The following SLC25A17 variants were observed in gnomAD, a reference collection of about 807,000 sequenced individuals.
The protein encoded by SLC25A17 is peroxisomal membrane protein PMP34.
Under a neutral mutation model 38.5 loss-of-function variants are expected in SLC25A17, and 26 were observed. The ratio of observed to expected loss-of-function variants is 0.68; its 90% CI spans 0.50 to 0.94. The LOEUF is 0.94. Among genes scored for constraint, SLC25A17 ranks in the 40% least tolerant of loss-of-function variants. SLC25A17 has a pLI of 0.00. For missense variants in SLC25A17, 333 were observed against 372.7 expected, an observed-to-expected ratio of 0.89 and a Z score of 0.88; for synonymous variants, 139 against 136.2, an observed-to-expected ratio of 1.02 and a Z score of -0.14.
chr22:40,784,784 C>CAA (rs71200616), intron 4 of SLC25A17, among the ~76,000 whole-genome samples: 1,929 of 95,214 alleles, frequency 0.02, no homozygotes, highest in African/African-American at 0.027. Flanking sequence ...TCAACAACAA[C>CAA]AAAAAAAAAA....
chr22:40,798,493 G>GGGGTGA (rs1360698201), intron 2 of SLC25A17, among the ~76,000 whole-genome samples: 1 of 151,898 alleles, frequency 6.6e-6, no homozygotes. Flanking sequence ...AGTGGGAAAG[G>GGGGTGA]GGGTGAGCAA....
rs1390797961 is a variant in SLC25A17, at chr22:40,777,324, A to C, written c.501T>G (p.Asn167Lys). 9 of 1,614,198 alleles carry C rather than the reference A, an allele frequency of 5.6e-6. No individual in the cohort carries two copies. Among genetic ancestry groups the C allele is most frequent in the Non-Finnish European group, 7.6e-6 (9 of 1,180,022 alleles). The change falls in exon 6 of 9, where the codon AAT becomes AAG. Residue 167 changes from asparagine (N) to lysine (K), a missense_variant. Coordinates refer to ENST00000435456, the MANE Select transcript of SLC25A17 (RefSeq NM_006358.4). The stretch of plus-strand genomic sequence containing the variant: ...CCAACAGCAATGAGGGAAATGTGCC[A>C]TTCCATAAAGCCGAGATTCCTTCAT... Reference protein sequence around the residue: ...IRDEGISALWNGTFPSLLLVF... With the variant: ...IRDEGISALWKGTFPSLLLVF...
intron 1 of SLC25A17, among the ~76,000 whole-genome samples, chr22:40,813,638 G>A (rs1031425171): frequency 1.5e-4 from 22 of 151,664 alleles, no homozygotes; most frequent in Non-Finnish European, 3.1e-4. Context: ...GCAGGAGAAT[G>A]GCGTGAACCC....
chr22:40,806,138 T>C (rs575854550), intron 1 of SLC25A17, among the ~76,000 whole-genome samples: 54 of 152,258 alleles, frequency 3.5e-4, no homozygotes, highest in African/African-American at 1.3e-3. Flanking sequence ...ATTCCACTTT[T>C]TTGCTACAAT....
At chr22:40,780,915 A>C (rs916036574) in intron 4 of SLC25A17, among the ~76,000 whole-genome samples, 1 of 152,164 alleles carries the variant, frequency 6.6e-6, no homozygotes. Flanking sequence ...CATGCCTGTA[A>C]TCTTAGCACT....
At chr22:40,784,506 C>G (rs1226433910) in intron 4 of SLC25A17, 1 of 193,364 alleles carries the variant, frequency 5.2e-6, no homozygotes, top group South Asian at 7.6e-5. Context: ...GGAGCAGTGG[C>G]TAATACCTGT....
At chr22:40,773,828 G>A in intron 8 of SLC25A17, 109 bp downstream of exon 8, 1 of 786,242 alleles carries the variant, frequency 1.3e-6, no homozygotes, top group East Asian at 2.5e-5. Flanking sequence ...AAAGGTTTTG[G>A]AGGTTGCCAC....
intron 1 of SLC25A17, among the ~76,000 whole-genome samples, chr22:40,814,762 T>C (rs1317323444): frequency 1.2e-4 from 2 of 16,140 alleles, no homozygotes; most frequent in African/African-American, 8.0e-4. Flanking sequence ...AGAATATATA[T>C]ATATATATAT....
At chr22:40,805,724 A>G (rs901183997) in intron 1 of SLC25A17, among the ~76,000 whole-genome samples, 1 of 152,198 alleles carries the variant, frequency 6.6e-6, no homozygotes, top group Non-Finnish European at 1.5e-5. Context: ...CTGCAGGCCT[A>G]GAGTCTCCAA....
intron 1 of SLC25A17, among the ~76,000 whole-genome samples, chr22:40,814,859 G>A (rs541923056): frequency 1.3e-5 from 2 of 150,346 alleles, no homozygotes; most frequent in Admixed American, 6.6e-5. Context: ...TTGCTCTGTC[G>A]TCCAGGCTGG....
At chr22:40,774,591 T>C (rs1041716883) in intron 7 of SLC25A17, among the ~76,000 whole-genome samples, 8 of 152,188 alleles carry the variant, frequency 5.3e-5, no homozygotes, top group African/African-American at 1.9e-4. Context: ...GGGAAAATTC[T>C]ACCTCAAAAG....
intron 1 of SLC25A17, among the ~76,000 whole-genome samples, chr22:40,804,513 A>T (rs1467971055): frequency 1.3e-5 from 2 of 152,000 alleles, no homozygotes; most frequent in African/African-American, 4.8e-5. Flanking sequence ...TCTTTTGAGA[A>T]ATGTCTATTC....
At chr22:40,813,174 T>C (rs1323437234) in intron 1 of SLC25A17, among the ~76,000 whole-genome samples, 2 of 152,210 alleles carry the variant, frequency 1.3e-5, no homozygotes, top group Non-Finnish European at 2.9e-5. Flanking sequence ...CAAATCTCTA[T>C]GTCTCAATTT....
rs542781400 is a variant in SLC25A17 at position 40,794,097 on chromosome 22, T to C, written c.182+417A>G. ...CTGGGTAAAGCATATACTTGTCTTCTTTGTACTAAGTTTAGTTTTGCAAAT... is the reference window on the plus strand; with the variant it reads ...CTGGGTAAAGCATATACTTGTCTTCCTTGTACTAAGTTTAGTTTTGCAAAT... On this transcript the variant is annotated intron_variant, in intron 3 of 8. Transcript: ENST00000435456. Among the ~76,000 whole-genome samples, 32 of 152,348 alleles carry C rather than the reference T, an allele frequency of 2.1e-4. No homozygotes were observed. The South Asian group carries it at 6.6e-3, about 32-fold the overall frequency.
In SLC25A17 at chr22:40,786,584, G is replaced by C. The variant is rs148217361; in HGVS notation, c.334+5941C>G. Among the ~76,000 whole-genome samples the C allele has an allele frequency of 7.4e-4, 113 of 152,296 alleles. 3 individuals carry two copies. The highest frequency in any genetic ancestry group is 2.5e-3 in the African/African-American group (106 of 41,570). On this transcript the variant is annotated intron_variant, in intron 4 of 8. Transcript: ENST00000435456. ...CAATGTAAAGGCTATGTAGATAGTT[G>C]TTATACTGTATTGTTTAGGGAATAA...
chr22:40,811,469 G>A (rs953144578), intron 1 of SLC25A17, among the ~76,000 whole-genome samples: 8 of 151,018 alleles, frequency 5.3e-5, no homozygotes, highest in Non-Finnish European at 8.9e-5. Context: ...TCATTCTGTC[G>A]CCCAGGCTGG....
chr22:40,771,094 G>T, intron 8 of SLC25A17, 113 bp from the exon 9 acceptor site: 1 of 917,194 alleles, frequency 1.1e-6, no homozygotes, highest in Non-Finnish European at 1.5e-6. Context: ...TTTCAACACA[G>T]ACTTCTGTTG....
At chr22:40,812,100 G>A (rs1602630211) in intron 1 of SLC25A17, among the ~76,000 whole-genome samples, 2 of 147,866 alleles carry the variant, frequency 1.4e-5, no homozygotes. Context: ...TCACTACATT[G>A]CCCAGGCTGG....
At chr22:40,796,634 A>C (rs1569408214) in intron 2 of SLC25A17, among the ~76,000 whole-genome samples, 11 of 151,946 alleles carry the variant, frequency 7.2e-5, no homozygotes, top group Non-Finnish European at 1.5e-5. Flanking sequence ...AAAAAAAAGA[A>C]GGCAATCTGG....
Sources: allele counts gnomAD v4.1 joint callset (sites outside exome capture counted in the v4.1 genomes callset), GRCh38; gene constraint gnomAD v4.1.1; transcripts MANE v1.5; gene names NCBI Gene and HGNC (gene_info 2026-07-23, HGNC 2026-07-21).